EPHA4: variants seen among roughly 807,000 people sequenced by gnomAD.
The protein encoded by EPHA4 is EPH receptor A4.
In EPHA4, 19 loss-of-function variants were observed where a neutral mutation model predicts 108.3. The ratio of observed to expected loss-of-function variants is 0.18; its 90% CI spans 0.12 to 0.26. The LOEUF (loss-of-function observed/expected upper bound fraction) is 0.26, where lower values mean the gene tolerates loss of function less well. Ranked by LOEUF, EPHA4 falls within the 10% of genes least tolerant of loss-of-function variation. The probability of loss-of-function intolerance (pLI) is 1.00; values close to 1 mark genes in which losing one functional copy is unlikely to be tolerated. For missense variants in EPHA4, 917 were observed against 1,254.0 expected, an observed-to-expected ratio of 0.73 and a Z score of 4.06; for synonymous variants, 449 against 455.5, an observed-to-expected ratio of 0.99 and a Z score of 0.18.
chr2:221,482,463 G>C lies in EPHA4; in HGVS notation c.1207C>G (p.Leu403Val). 1 of 1,614,124 alleles carries C rather than the reference G, an allele frequency of 6.2e-7. No homozygotes were observed. The highest frequency in any genetic ancestry group is 8.5e-7 in the Non-Finnish European group (1 of 1,179,982). ...AAGGTGTAATTGGTATGAGCTAGGA[G>C]GTCAGTGATGGAGACTTTGGTGGTC... ...LKTTKVSITD[L>V]LAHTNYTFEI... Residue 403 changes from leucine (L) to valine (V), a missense_variant, in exon 5 of 18, where the codon CTC (leucine) becomes GTC (valine). Physicochemically the swap from Leu to Val is conservative, Grantham distance 32. Around this residue, in one of 3 missense-constraint regions of EPHA4, gnomAD observed 758 missense variants for 1,076.7 expected, o/e 0.70. Transcript: ENST00000281821.
intron 16 of EPHA4, 128 bp downstream of exon 16, chr2:221,426,336 C>T (rs1689909489): frequency 1.7e-6 from 2 of 1,195,032 alleles, no homozygotes; most frequent in Non-Finnish European, 2.3e-6. Flanking sequence ...TAAAATTATA[C>T]TCAATCAAAA....
intron 15 of EPHA4, 90 bp from the exon 16 acceptor site, chr2:221,426,709 G>A: frequency 1.7e-6 from 2 of 1,179,636 alleles, no homozygotes; most frequent in Non-Finnish European, 2.4e-6. Context: ...TAGGCAAGGA[G>A]AACTGAAAAG....
intron 4 of EPHA4, among the ~76,000 whole-genome samples, chr2:221,498,099 T>G (rs1204667918): frequency 2.0e-5 from 3 of 152,198 alleles, no homozygotes; most frequent in Non-Finnish European, 2.9e-5. Context: ...TTTGGAGGTT[T>G]CCTAAACTCC....
intron 5 of EPHA4, among the ~76,000 whole-genome samples, chr2:221,480,629 T>TTTTA (rs1197172959): frequency 1.3e-5 from 2 of 152,166 alleles, no homozygotes; most frequent in African/African-American, 2.4e-5. Flanking sequence ...ATAAAACTAA[T>TTTTA]GACTGCGAAC....
intron 13 of EPHA4, among the ~76,000 whole-genome samples, chr2:221,435,260 C>G (rs1188986015): frequency 6.6e-6 from 1 of 152,122 alleles, no homozygotes; most frequent in East Asian, 1.9e-4. Context: ...CTGCATTCCC[C>G]CCTGCTTAAA....
At position 221,524,880 on chromosome 2, in the gene EPHA4, C is replaced by T. The variant is rs556682117; in HGVS notation, c.824-23708G>A. On this transcript the variant is annotated intron_variant, in intron 3 of 17. Coordinates refer to ENST00000281821, the MANE Select transcript of EPHA4 (RefSeq NM_004438.5). ...TGCTCATACTTAAGGTATGTGTTTCCCAATTCAGAGATTTAAAATGAAGTT... is the reference window on the plus strand; with the variant it reads ...TGCTCATACTTAAGGTATGTGTTTCTCAATTCAGAGATTTAAAATGAAGTT... 7.2e-5 allele frequency among the ~76,000 whole-genome samples: 11 copies of T among 152,176 alleles called. No individual in the cohort carries two copies. In the South Asian group the frequency reaches 1.7e-3, roughly 23 times the overall value.
intron 2 of EPHA4, among the ~76,000 whole-genome samples, chr2:221,565,556 T>G (rs1484324892): frequency 1.3e-5 from 2 of 152,180 alleles, no homozygotes; most frequent in Non-Finnish European, 2.9e-5. Flanking sequence ...TGCAGTCCAG[T>G]GAAGTGCATA....
At chr2:221,433,500 A>ATT (rs770050839) in intron 14 of EPHA4, among the ~76,000 whole-genome samples, 20 of 151,028 alleles carry the variant, frequency 1.3e-4, no homozygotes, top group Non-Finnish European at 2.4e-4. Context: ...GCTTTCTTTT[A>ATT]TTTTTTTTTC....
intron 3 of EPHA4, among the ~76,000 whole-genome samples, chr2:221,513,033 G>T (rs1004943594): frequency 1.3e-5 from 2 of 152,116 alleles, no homozygotes; most frequent in African/African-American, 4.8e-5. Context: ...CGAAAGAAAA[G>T]GTGCCCCCTG....
intron 2 of EPHA4, among the ~76,000 whole-genome samples, chr2:221,566,014 C>T (rs1694617306): frequency 6.6e-6 from 1 of 152,156 alleles, no homozygotes; most frequent in South Asian, 2.1e-4. Flanking sequence ...GTGACAAATC[C>T]TCCCTTAGTT....
At chr2:221,486,589 C>T (rs1050143028) in intron 4 of EPHA4, among the ~76,000 whole-genome samples, 2 of 151,840 alleles carry the variant, frequency 1.3e-5, no homozygotes, top group African/African-American at 4.8e-5. Flanking sequence ...AAAAAATTAG[C>T]CAGGTGTGCT....
rs1163647018 is a variant in EPHA4 at position 221,443,427 on chromosome 2, C to T, written c.1888+66G>A. 14 of 1,192,352 alleles carry T rather than the reference C, an allele frequency of 1.2e-5. No homozygotes were observed. In the East Asian group the frequency reaches 3.3e-4, roughly 28 times the overall value. 73.9% of individuals were successfully genotyped at this position (1,192,352 alleles called of 1,614,324 possible). ...ATACTCACAAAAGCATTTATGTAAT[C>T]CACACACATATTTAACATCCACCAA... is the stretch of plus-strand genomic sequence containing the variant. On this transcript the variant is annotated intron_variant, in intron 10 of 17. Coordinates refer to ENST00000281821, the MANE Select transcript of EPHA4 (RefSeq NM_004438.5).
intron 5 of EPHA4, among the ~76,000 whole-genome samples, chr2:221,475,019 C>T (rs1691613791): frequency 6.6e-6 from 1 of 152,014 alleles, no homozygotes; most frequent in African/African-American, 2.4e-5. Context: ...TACAGGCGTG[C>T]ACCACAACAC....
chr2:221,440,396 C>T (rs190539105), intron 11 of EPHA4, among the ~76,000 whole-genome samples: 1 of 152,262 alleles, frequency 6.6e-6, no homozygotes, highest in East Asian at 1.9e-4. Context: ...TGAACAGAGC[C>T]TCCTTTTTAG....
At chr2:221,458,500 T>C (rs1357415980) in intron 5 of EPHA4, among the ~76,000 whole-genome samples, 1 of 152,202 alleles carries the variant, frequency 6.6e-6, no homozygotes, top group African/African-American at 2.4e-5. Flanking sequence ...TACTTTCCAA[T>C]ATAAATAAAA....
intron 2 of EPHA4, among the ~76,000 whole-genome samples, chr2:221,568,208 G>A (rs923760864): frequency 1.3e-5 from 2 of 152,210 alleles, no homozygotes; most frequent in African/African-American, 4.8e-5. Context: ...TCACATGACT[G>A]TCTCTCAGTG....
intron 14 of EPHA4, among the ~76,000 whole-genome samples, chr2:221,433,932 C>T (rs1690155145): frequency 6.6e-6 from 1 of 152,144 alleles, no homozygotes; most frequent in Admixed American, 6.6e-5. Flanking sequence ...GTATCTATCT[C>T]CCATACTGTA....
chr2:221,572,437 G>A (rs916564667), upstream of EPHA4: 56 of 469,288 alleles, frequency 1.2e-4, no homozygotes, highest in Middle Eastern at 1.2e-3. Flanking sequence ...CACCGAGCAG[G>A]GCCCGCCCCA....
chr2:221,487,844 A>G (rs1220568161), intron 4 of EPHA4, among the ~76,000 whole-genome samples: 1 of 152,206 alleles, frequency 6.6e-6, no homozygotes, highest in African/African-American at 2.4e-5. Flanking sequence ...CCCAAAAATG[A>G]AAATAGCATG....
Sources: allele counts gnomAD v4.1 joint callset (sites outside exome capture counted in the v4.1 genomes callset), GRCh38; gene constraint gnomAD v4.1.1; regional missense constraint gnomAD v4.1.1; transcripts MANE v1.5; gene names NCBI Gene and HGNC (gene_info 2026-07-23, HGNC 2026-07-21).